MRTFB: variants seen among roughly 807,000 people sequenced by gnomAD.
MRTFB encodes the protein myocardin related transcription factor B, also known as myocardin-related transcription factor B.
A neutral mutation model predicts 104.2 loss-of-function variants in MRTFB; 29 were observed. The observed-to-expected ratio is 0.28, with a 90% CI of 0.21 to 0.38. The LOEUF is 0.38. MRTFB is among the 10% of genes least tolerant of loss of function. MRTFB has a pLI of 1.00. For missense variants in MRTFB, 1,270 were observed against 1,341.6 expected (o/e 0.95, Z 0.83); for synonymous variants, 535 against 519.5 (o/e 1.03, Z -0.41).
intron 8 of MRTFB, among the ~76,000 whole-genome samples, chr16:14,229,344 A>ATT (rs2042156586): frequency 4.5e-5 from 1 of 22,046 alleles, no homozygotes; most frequent in South Asian, 5.5e-4. Context: ...GTTTTATTCA[A>ATT]CTCATTTTTC....
rs367684308 is a variant in MRTFB, at chr16:14,140,634, G to A, written c.28G>A (p.Glu10Lys). The A allele has an allele frequency of 6.8e-6, 11 of 1,614,068 alleles. No individual in the cohort carries two copies. The highest frequency in any genetic ancestry group is 1.7e-5 in the Admixed American group (1 of 60,004). Residue 10 changes from glutamate to lysine, a missense_variant, in exon 3 of 17, where the codon GAG (glutamate) becomes AAG (lysine). Physicochemically the swap from Glu to Lys is moderately conservative, Grantham distance 56 (BLOSUM62 1). Transcript: ENST00000571589. MDHTGAIDT[E>K]DEVGPLAHLA... ...GGATCACACAGGGGCGATAGACACC[G>A]AGGATGAAGTGGGACCTTTAGCCCA...
intron 2 of MRTFB, among the ~76,000 whole-genome samples, chr16:14,101,465 A>G (rs2035697966): frequency 6.6e-6 from 1 of 152,108 alleles, no homozygotes; most frequent in African/African-American, 2.4e-5. Context: ...TTAGTTCTTA[A>G]AGTTTATTTT....
At chr16:14,234,317 CTTTA>C (rs1009223865) in intron 9 of MRTFB, 34 bp downstream of exon 9, 5 of 1,606,794 alleles carry the variant, frequency 3.1e-6, no homozygotes, top group African/African-American at 1.3e-5. Flanking sequence ...GGTTTGGTGG[CTTTA>C]TTTGTGACTC....
chr16:14,206,893 G>A (rs1567458256), intron 3 of MRTFB, among the ~76,000 whole-genome samples: 1 of 151,570 alleles, frequency 6.6e-6, no homozygotes, highest in East Asian at 1.9e-4. Context: ...AATATAATAT[G>A]TGCAGTAGTG....
intron 16 of MRTFB, among the ~76,000 whole-genome samples, chr16:14,260,354 TAAAAAAA>T (rs11334309): frequency 7.7e-6 from 1 of 129,226 alleles, no homozygotes; most frequent in African/African-American, 2.7e-5. Flanking sequence ...ACTGTAATGA[TAAAAAAA>T]AAAAAAAGGA....
chr16:14,222,762 A>G (rs899355427), intron 8 of MRTFB, among the ~76,000 whole-genome samples: 4 of 152,088 alleles, frequency 2.6e-5, no homozygotes, highest in African/African-American at 9.7e-5. Flanking sequence ...CCACAATGAG[A>G]TACCATCTCA....
the MRTFB span, among the ~76,000 whole-genome samples, chr16:13,995,607 A>T: frequency 6.6e-6 from 1 of 152,194 alleles, no homozygotes; most frequent in Non-Finnish European, 1.5e-5. Flanking sequence ...GAGACTGGGT[A>T]ATTTTTAAAG....
rs2043928734 is a variant in MRTFB, at chr16:14,265,810, CGGATCTACAA to C, written c.*4369_*4378del. ...CTTTGTGACAATAAGATGGCAATCT[CGGATCTACAA>C]GGTGCTGTCGGGAATCAAATAAAAT... On this transcript the variant is annotated 3_prime_UTR_variant, in exon 17 of 17. Coordinates refer to ENST00000571589, the MANE Select transcript of MRTFB (RefSeq NM_001308142.2). 1 of 152,196 alleles carries C rather than the reference CGGATCTACAA, an allele frequency of 6.6e-6. No homozygotes were observed. Among genetic ancestry groups the C allele is most frequent in the Non-Finnish European group, 1.5e-5 (1 of 68,038 alleles). 9.4% of individuals were successfully genotyped at this position (152,196 alleles called of 1,614,324 possible).
chr16:14,179,147 C>G (rs1255866135), intron 3 of MRTFB, among the ~76,000 whole-genome samples: 1 of 152,202 alleles, frequency 6.6e-6, no homozygotes, highest in Non-Finnish European at 1.5e-5. Context: ...AACTGAAACA[C>G]TTTGCATATT....
chr16:14,113,288 C>T (rs1203457967), intron 2 of MRTFB, among the ~76,000 whole-genome samples: 2 of 152,266 alleles, frequency 1.3e-5, no homozygotes, highest in African/African-American at 2.4e-5. Flanking sequence ...AGGTGATCCA[C>T]CCGCCTTGGC....
At chr16:14,082,964 T>A (rs2034498625) in intron 2 of MRTFB, among the ~76,000 whole-genome samples, 2 of 152,182 alleles carry the variant, frequency 1.3e-5, no homozygotes, top group African/African-American at 4.8e-5. Context: ...ATGGTCATTT[T>A]AAAAGCATTC....
At chr16:14,251,014 T>A (rs560588392) in intron 13 of MRTFB, among the ~76,000 whole-genome samples, 14 of 152,204 alleles carry the variant, frequency 9.2e-5, no homozygotes, top group Non-Finnish European at 2.1e-4. Flanking sequence ...TAAGTGGCTT[T>A]GACGCCTGGG....
rs529194219 is a variant in MRTFB, at chr16:14,265,683, T to C, written c.*4239T>C. On this transcript the variant is annotated 3_prime_UTR_variant, in exon 17 of 17. Transcript: ENST00000571589. The stretch of plus-strand genomic sequence containing the variant: ...GAAACACATCATTACAAAGGGTTTC[T>C]ACCTGAAATCTTTCATGGAAGGCCT... The C allele has an allele frequency of 1.7e-4, 26 of 152,346 alleles. No individual in the cohort carries two copies. The highest frequency in any genetic ancestry group is 5.8e-4 in the African/African-American group (24 of 41,566). The allele number at this position is 152,346 out of a possible 1,614,324, so 9.4% of individuals were successfully genotyped here.
At chr16:14,256,888 C>A (rs2043517267) in intron 15 of MRTFB, among the ~76,000 whole-genome samples, 1 of 152,072 alleles carries the variant, frequency 6.6e-6, no homozygotes, top group Admixed American at 6.5e-5. Flanking sequence ...AAAAGATAGA[C>A]CATGCAAACA....
chr16:14,088,723 A>G (rs942771444), intron 2 of MRTFB, among the ~76,000 whole-genome samples: 1 of 152,222 alleles, frequency 6.6e-6, no homozygotes, highest in Non-Finnish European at 1.5e-5. Context: ...AAGTACAAAC[A>G]GACCTTCTGC....
chr16:14,149,575 G>A (rs1039096243), intron 3 of MRTFB: 1 of 152,104 alleles, frequency 6.6e-6, no homozygotes, highest in African/African-American at 2.4e-5. Context: ...AGAATACTCC[G>A]CTCTCCCAAA....
intron 3 of MRTFB, among the ~76,000 whole-genome samples, chr16:14,194,822 G>C (rs1041564927): frequency 6.6e-6 from 1 of 150,650 alleles, no homozygotes; most frequent in Non-Finnish European, 1.5e-5. Flanking sequence ...GTAAAACTCA[G>C]TATTGGTACC....
At chr16:14,180,892 G>GC (rs1261077100) in intron 3 of MRTFB, among the ~76,000 whole-genome samples, 1 of 152,188 alleles carries the variant, frequency 6.6e-6, no homozygotes, top group Non-Finnish European at 1.5e-5. Context: ...AGACTGTTTG[G>GC]CCCTGTTGTG....
the MRTFB span, among the ~76,000 whole-genome samples, chr16:14,020,764 A>G: frequency 6.6e-6 from 1 of 152,254 alleles, no homozygotes; most frequent in East Asian, 1.9e-4. Context: ...CTTGTATGCT[A>G]CTCAAGGCCT....
Sources: allele counts gnomAD v4.1 joint callset (sites outside exome capture counted in the v4.1 genomes callset), GRCh38; gene constraint gnomAD v4.1.1; transcripts MANE v1.5; gene names NCBI Gene and HGNC (gene_info 2026-07-23, HGNC 2026-07-21).